ZNF10: variants seen among roughly 807,000 people sequenced by gnomAD.
ZNF10 encodes the protein zinc finger protein 10.
A neutral mutation model predicts 12.2 loss-of-function variants in ZNF10; 8 were observed. That is an observed-to-expected ratio of 0.66 (90% CI 0.39 to 1.18). The LOEUF (loss-of-function observed/expected upper bound fraction) is 1.18. Ranked by LOEUF, ZNF10 falls within the 50% of genes most tolerant of loss-of-function variation. The probability of loss-of-function intolerance (pLI) is 0.01; values close to 1 mark genes in which losing one functional copy is unlikely to be tolerated. For synonymous variants in ZNF10, 229 were observed against 228.2 expected (o/e 1.00, Z -0.03); for missense variants, 603 against 678.9 (o/e 0.89, Z 1.24).
rs1956047242 is a variant in ZNF10 at position 133,157,037 on chromosome 12, G to A, written c.*69G>A. The A allele has an allele frequency of 7.7e-7, 1 of 1,293,114 alleles. No homozygotes were observed. The highest frequency in any genetic ancestry group is 2.8e-5 in the Admixed American group (1 of 35,508). 80.1% of individuals were successfully genotyped at this position (1,293,114 alleles called of 1,614,324 possible). ...ATTGGAGAACTCCTGGAGATAAGCT[G>A]TACAAATTGAATCTATGTGGAAATG... On this transcript the variant is annotated 3_prime_UTR_variant, in exon 5 of 5. Coordinates refer to ENST00000248211, the MANE Select transcript of ZNF10 (RefSeq NM_015394.5).
At chr12:133,138,388 A>T (rs1476339919) in intron 1 of ZNF10, among the ~76,000 whole-genome samples, 1 of 93,398 alleles carries the variant, frequency 1.1e-5, no homozygotes, top group Non-Finnish European at 2.9e-5. Context: ...GACCCTGTCT[A>T]AAAAAAAAAA....
chr12:133,155,434 C>T, intron 4 of ZNF10, 69 bp from the exon 5 acceptor site: 1 of 1,469,254 alleles, frequency 6.8e-7, no homozygotes. Flanking sequence ...TACTTTGTCT[C>T]CACATACATC....
chr12:133,137,299 T>C (rs1360635212), intron 1 of ZNF10, among the ~76,000 whole-genome samples: 4 of 152,200 alleles, frequency 2.6e-5, no homozygotes, highest in Admixed American at 6.5e-5. Flanking sequence ...AAGACACTAA[T>C]ATTGTTTCCT....
chr12:133,153,842 G>GGA (rs1284079300), intron 4 of ZNF10, among the ~76,000 whole-genome samples: 6 of 152,170 alleles, frequency 3.9e-5, no homozygotes, highest in Non-Finnish European at 8.8e-5. Flanking sequence ...TACGCTTCTA[G>GGA]GAGAGGGTCT....
chr12:133,148,205 C>T (rs1044082360), intron 2 of ZNF10, among the ~76,000 whole-genome samples: 4 of 152,202 alleles, frequency 2.6e-5, no homozygotes, highest in African/African-American at 9.7e-5. Context: ...ACTGCAACCT[C>T]TGCCTCCAGC....
Position 133,156,060 on chromosome 12 carries a change from A to G in ZNF10, c.814A>G (p.Lys272Glu). 1 of 1,613,524 alleles carries G rather than the reference A, an allele frequency of 6.2e-7. No homozygotes were observed. The highest frequency in any genetic ancestry group is 1.1e-5 in the South Asian group (1 of 91,070). ...EKPYECKECGKFFSWRSNLTR... is the reference protein window; with the variant it reads ...EKPYECKECGEFFSWRSNLTR... ...ACCCTATGAATGTAAGGAATGTGGA[A>G]AATTCTTCAGCTGGCGCTCTAATCT... The change falls in exon 5 of 5, where the codon AAA (lysine) becomes GAA (glutamate). Residue 272 changes from lysine (K) to glutamate (E), a missense_variant. Around this residue, in one of 3 missense-constraint regions of ZNF10, gnomAD observed 393 missense variants for 399.7 expected, o/e 0.98. Transcript: ENST00000248211.
chr12:133,157,725 CAAAG>C lies in ZNF10; in HGVS notation c.*760_*763del. Reference sequence around the variant, plus strand: ...ATATCTAGTTTCTCTATTCTACCATCAAAGAAGCTTTTGAGTACCACCTGTTAAT... The same window carrying C: ...ATATCTAGTTTCTCTATTCTACCATCAAGCTTTTGAGTACCACCTGTTAAT... On this transcript the variant is annotated 3_prime_UTR_variant, in exon 5 of 5. Transcript: ENST00000248211. The C allele has an allele frequency of 6.6e-6, 1 of 152,318 alleles. No homozygotes were observed. The highest frequency in any genetic ancestry group is 2.1e-4 in the South Asian group (1 of 4,830). 9.4% of individuals were successfully genotyped at this position (152,318 alleles called of 1,614,324 possible).
At chr12:133,141,576 A>T (rs1955944389) in intron 1 of ZNF10, among the ~76,000 whole-genome samples, 1 of 152,214 alleles carries the variant, frequency 6.6e-6, no homozygotes, top group Non-Finnish European at 1.5e-5. Context: ...GGTTAACAGA[A>T]GATTAGATTT....
At chr12:133,150,124 C>G (rs1955998949) in intron 2 of ZNF10, among the ~76,000 whole-genome samples, 1 of 152,154 alleles carries the variant, frequency 6.6e-6, no homozygotes, top group East Asian at 1.9e-4. Flanking sequence ...GAAAACAAAT[C>G]TGTTATATTT....
At chr12:133,140,117 C>T (rs938367971) in intron 1 of ZNF10, among the ~76,000 whole-genome samples, 4 of 146,538 alleles carry the variant, frequency 2.7e-5, no homozygotes, top group African/African-American at 1.0e-4. Flanking sequence ...GCGGGAGGAT[C>T]ACTTGAGCCC....
chr12:133,136,297 C>T (rs1955911151), intron 1 of ZNF10, among the ~76,000 whole-genome samples: 1 of 152,186 alleles, frequency 6.6e-6, no homozygotes, highest in Admixed American at 6.5e-5. Flanking sequence ...TCTCTTCCTT[C>T]TCCACTTCCA....
rs1390621297 is a variant in ZNF10, at chr12:133,157,498, A to T, written c.*530A>T. The T allele has an allele frequency of 6.6e-6, 1 of 152,220 alleles. No homozygotes were observed. The highest frequency in any genetic ancestry group is 1.5e-5 in the Non-Finnish European group (1 of 68,042). The allele number at this position is 152,220 out of a possible 1,614,324, so 9.4% of individuals were successfully genotyped here. On this transcript the variant is annotated 3_prime_UTR_variant, in exon 5 of 5. Coordinates refer to ENST00000248211, the MANE Select transcript of ZNF10 (RefSeq NM_015394.5). ...GTTAACAGCAAGAAAAATGCTTATA[A>T]TGTAGTACAATTAAAAACAACACAT...
At chr12:133,149,669 T>A (rs1955996460) in intron 2 of ZNF10, among the ~76,000 whole-genome samples, 2 of 151,920 alleles carry the variant, frequency 1.3e-5, no homozygotes, top group Admixed American at 1.3e-4. Flanking sequence ...TTTTTTTTTT[T>A]CTTGATAAAG....
At chr12:133,136,106 C>T (rs1311596188) in intron 1 of ZNF10, among the ~76,000 whole-genome samples, 1 of 152,194 alleles carries the variant, frequency 6.6e-6, no homozygotes, top group Non-Finnish European at 1.5e-5. Flanking sequence ...CCTATCCTGA[C>T]TTCCAGGAGG....
At chr12:133,145,372 C>T (rs1955969295) in intron 2 of ZNF10, among the ~76,000 whole-genome samples, 1 of 152,176 alleles carries the variant, frequency 6.6e-6, no homozygotes, top group African/African-American at 2.4e-5. Flanking sequence ...TGGACTGCAG[C>T]AGATGGCACT....
chr12:133,149,125 A>C (rs965270743), intron 2 of ZNF10, among the ~76,000 whole-genome samples: 4 of 142,388 alleles, frequency 2.8e-5, no homozygotes, highest in Non-Finnish European at 4.6e-5. Flanking sequence ...GCAGGGTCTC[A>C]TTGTTGCCCA....
intron 1 of ZNF10, among the ~76,000 whole-genome samples, chr12:133,136,714 C>T (rs1258726561): frequency 6.6e-6 from 1 of 152,044 alleles, no homozygotes; most frequent in Non-Finnish European, 1.5e-5. Flanking sequence ...ACATATGATC[C>T]CCCTTAGACT....
chr12:133,157,078 C>A lies in ZNF10; in HGVS notation c.*110C>A. The A allele has an allele frequency of 9.8e-7, 1 of 1,024,520 alleles. No individual in the cohort carries two copies. Among genetic ancestry groups the A allele is most frequent in the Non-Finnish European group, 1.3e-6 (1 of 771,130 alleles). 63.5% of individuals were successfully genotyped at this position (1,024,520 alleles called of 1,614,324 possible). On this transcript the variant is annotated 3_prime_UTR_variant, in exon 5 of 5. Coordinates refer to ENST00000248211, the MANE Select transcript of ZNF10 (RefSeq NM_015394.5). Reference sequence around the variant, plus strand: ...TGTGGAAATGCTTTCAGTCTTGTTACTATCCTATTGCACATTAGAGAATTG... The same window carrying A: ...TGTGGAAATGCTTTCAGTCTTGTTAATATCCTATTGCACATTAGAGAATTG...
intron 2 of ZNF10, among the ~76,000 whole-genome samples, chr12:133,147,977 T>C (rs1261106322): frequency 6.6e-6 from 1 of 152,106 alleles, no homozygotes; most frequent in Non-Finnish European, 1.5e-5. Flanking sequence ...GTACCTTATA[T>C]GTACAAGTCC....
Sources: allele counts gnomAD v4.1 joint callset (sites outside exome capture counted in the v4.1 genomes callset), GRCh38; gene constraint gnomAD v4.1.1; regional missense constraint gnomAD v4.1.1; transcripts MANE v1.5; gene names NCBI Gene and HGNC (gene_info 2026-07-23, HGNC 2026-07-21).